SLC8A1: variants seen among roughly 807,000 people sequenced by gnomAD.
The protein encoded by SLC8A1 is sodium/calcium exchanger 1.
Under a neutral mutation model 68.3 loss-of-function variants are expected in SLC8A1, and 18 were observed. That is an observed-to-expected ratio of 0.26 (90% CI 0.18 to 0.39). The LOEUF is 0.39. Ranked by LOEUF, SLC8A1 falls within the 10% of genes least tolerant of loss-of-function variation. The pLI is 1.00. For synonymous variants in SLC8A1, 475 were observed against 415.5 expected (o/e 1.14, Z -1.74); for missense variants, 985 against 1,156.7 (o/e 0.85, Z 2.15).
chr2:40,238,726 G>C (rs1048312860), intron 2 of SLC8A1, among the ~76,000 whole-genome samples: 3 of 152,128 alleles, frequency 2.0e-5, no homozygotes, highest in East Asian at 3.8e-4. Context: ...GTAAAGTTAA[G>C]TATGAGTTTC....
At chr2:40,480,201 C>G (rs1023225820) in intron 1 of SLC8A1, among the ~76,000 whole-genome samples, 2 of 152,140 alleles carry the variant, frequency 1.3e-5, no homozygotes, top group African/African-American at 4.8e-5. Flanking sequence ...AAAAGTTGCT[C>G]TCTTCCCCAA....
At chr2:40,343,513 A>G (rs1161590685) in intron 2 of SLC8A1, among the ~76,000 whole-genome samples, 2 of 152,170 alleles carry the variant, frequency 1.3e-5, no homozygotes, top group Non-Finnish European at 1.5e-5. Context: ...CTATTCACTT[A>G]AAAGTGCCAA....
chr2:40,435,554 C>T (rs1227176101), intron 1 of SLC8A1, among the ~76,000 whole-genome samples: 2 of 152,124 alleles, frequency 1.3e-5, no homozygotes, highest in East Asian at 3.9e-4. Context: ...TAGGCTCAAG[C>T]CTTTCTCTTA....
chr2:40,371,884 A>G (rs1678209067), intron 2 of SLC8A1, among the ~76,000 whole-genome samples: 1 of 152,092 alleles, frequency 6.6e-6, no homozygotes, highest in African/African-American at 2.4e-5. Flanking sequence ...CAACAGAACC[A>G]GGTCCCCAGT....
intron 1 of SLC8A1, chr2:40,446,378 G>C (rs1701450002): frequency 6.6e-6 from 1 of 152,174 alleles, no homozygotes; most frequent in South Asian, 2.1e-4. Context: ...CGGAATGAAA[G>C]GGTCTAGAAA....
chr2:40,503,181 A>G (rs1706151540), intron 1 of SLC8A1, among the ~76,000 whole-genome samples: 1 of 152,022 alleles, frequency 6.6e-6, no homozygotes, highest in African/African-American at 2.4e-5. Flanking sequence ...TTTTGTAATA[A>G]TGAACTATTT....
intron 2 of SLC8A1, among the ~76,000 whole-genome samples, chr2:40,375,419 A>G (rs961098202): frequency 2.0e-5 from 3 of 152,110 alleles, no homozygotes; most frequent in Non-Finnish European, 4.4e-5. Context: ...CTTACTTACA[A>G]TATATCCAAT....
exon 8 of SLC8A1, chr2:40,103,453 G>T (rs1294634961): frequency 6.6e-6 from 1 of 152,112 alleles, no homozygotes; most frequent in African/African-American, 2.4e-5. Flanking sequence ...TGTAGCAGAT[G>T]AATTTTTTCT....
chr2:40,177,703 GAGAGA>G (rs2048725319), intron 3 of SLC8A1: 1 of 1,130,812 alleles, frequency 8.8e-7, no homozygotes, highest in Non-Finnish European at 1.3e-6. Context: ...GAGACACGGA[GAGAGA>G]AGAGTACAAT....
At chr2:40,388,289 ATG>A (rs1230399846) in intron 2 of SLC8A1, among the ~76,000 whole-genome samples, 1 of 152,172 alleles carries the variant, frequency 6.6e-6, no homozygotes, top group East Asian at 1.9e-4. Context: ...GATCACATTA[ATG>A]TGTGTGTGTC....
intron 2 of SLC8A1, among the ~76,000 whole-genome samples, chr2:40,232,734 G>A (rs867629310): frequency 8.7e-5 from 6 of 68,790 alleles, no homozygotes; most frequent in Non-Finnish European, 8.3e-5. Flanking sequence ...ATATCTCCCA[G>A]TGCTATCCCT....
chr2:40,352,700 G>C (rs747424528), intron 2 of SLC8A1, among the ~76,000 whole-genome samples: 2 of 152,184 alleles, frequency 1.3e-5, no homozygotes, highest in Non-Finnish European at 2.9e-5. Flanking sequence ...AGCCTCTTTT[G>C]AAAAGTATTA....
chr2:40,231,203 G>GA (rs2059604274), intron 2 of SLC8A1, among the ~76,000 whole-genome samples: 1 of 152,184 alleles, frequency 6.6e-6, no homozygotes, highest in South Asian at 2.1e-4. Flanking sequence ...TTTCTGAGCT[G>GA]AAAAAAAGTG....
rs562746176 is a variant in SLC8A1 at position 40,508,172 on chromosome 2, G to C, written c.-25+4177C>G. 5.9e-5 allele frequency among the ~76,000 whole-genome samples: 9 copies of C among 151,948 alleles called. No homozygotes were observed. In the South Asian group the frequency reaches 1.9e-3, roughly 32 times the overall value. ...GATTATTGTGTATTATTATTTATTGGAATCTAACACATTGCTCAGAATAGA... is the reference window on the plus strand; with the variant it reads ...GATTATTGTGTATTATTATTTATTGCAATCTAACACATTGCTCAGAATAGA... On this transcript the variant is annotated intron_variant, in intron 1 of 7. Coordinates refer to the SLC8A1 transcript ENST00000402441.
At chr2:40,239,373 C>A (rs574244502) in intron 2 of SLC8A1, among the ~76,000 whole-genome samples, 1 of 152,118 alleles carries the variant, frequency 6.6e-6, no homozygotes. Context: ...TTTCTGTCAT[C>A]TTTGGGCTTT....
At chr2:40,197,096 G>T (rs1161376927) in intron 2 of SLC8A1, among the ~76,000 whole-genome samples, 1 of 151,936 alleles carries the variant, frequency 6.6e-6, no homozygotes, top group African/African-American at 2.4e-5. Flanking sequence ...ATCAAATGAA[G>T]CCTGTTACTT....
chr2:40,232,163 TG>T (rs1356178348), intron 2 of SLC8A1, among the ~76,000 whole-genome samples: 2 of 152,078 alleles, frequency 1.3e-5, no homozygotes, highest in Admixed American at 1.3e-4. Context: ...AAACGGGCTT[TG>T]GAAACGGAAA....
chr2:40,443,511 G>C (rs17026033), intron 1 of SLC8A1, among the ~76,000 whole-genome samples: 42,533 of 152,010 alleles, frequency 0.28, 6,643 homozygotes, highest in East Asian at 0.44. Flanking sequence ...ATTCACAGAC[G>C]TACCTTCTTA....
intron 2 of SLC8A1, among the ~76,000 whole-genome samples, chr2:40,398,479 A>T (rs1028428732): frequency 6.6e-6 from 1 of 152,250 alleles, no homozygotes; most frequent in Non-Finnish European, 1.5e-5. Context: ...CATTATAAAA[A>T]GCAGAATATG....
Sources: allele counts gnomAD v4.1 joint callset (sites outside exome capture counted in the v4.1 genomes callset), GRCh38; gene constraint gnomAD v4.1.1; transcripts MANE v1.5; gene names NCBI Gene and HGNC (gene_info 2026-07-23, HGNC 2026-07-21).